The following PTPRT variants were observed in gnomAD, a reference collection of about 807,000 sequenced individuals.
PTPRT encodes the protein protein tyrosine phosphatase receptor type T.
Under a neutral mutation model 176.8 loss-of-function variants are expected in PTPRT, and 56 were observed. The observed-to-expected ratio is 0.32, with a 90% CI of 0.26 to 0.40. The LOEUF is 0.40. PTPRT is among the 10% of genes least tolerant of loss of function. PTPRT has a pLI of 1.00. For missense variants in PTPRT, 1,540 were observed against 1,908.2 expected, an observed-to-expected ratio of 0.81 and a Z score of 3.60; for synonymous variants, 783 against 739.0, an observed-to-expected ratio of 1.06 and a Z score of -0.96.
At chr20:42,992,377 C>A (rs1308365895) in intron 1 of PTPRT, among the ~76,000 whole-genome samples, 1 of 152,190 alleles carries the variant, frequency 6.6e-6, no homozygotes, top group Non-Finnish European at 1.5e-5. Flanking sequence ...CTCATCAGTG[C>A]CCATCCCTGG....
intron 1 of PTPRT, among the ~76,000 whole-genome samples, chr20:42,921,750 C>T (rs1568681749): frequency 6.6e-6 from 1 of 152,190 alleles, no homozygotes; most frequent in Non-Finnish European, 1.5e-5. Context: ...TTCACTCACT[C>T]CAATCAGGGT....
At chr20:42,860,278 C>T (rs1180497762) in intron 2 of PTPRT, among the ~76,000 whole-genome samples, 1 of 152,184 alleles carries the variant, frequency 6.6e-6, no homozygotes, top group Non-Finnish European at 1.5e-5. Context: ...ATCTATCTGT[C>T]TCTTCTAAGA....
intron 15 of PTPRT, among the ~76,000 whole-genome samples, chr20:42,201,942 A>G (rs968517061): frequency 1.2e-4 from 9 of 75,120 alleles, no homozygotes; most frequent in Non-Finnish European, 6.0e-5. Context: ...CCAAGAAGAG[A>G]AAAGTTGCGT....
intron 7 of PTPRT, among the ~76,000 whole-genome samples, chr20:42,510,177 C>T (rs1432756499): frequency 1.3e-5 from 2 of 152,072 alleles, no homozygotes; most frequent in African/African-American, 4.8e-5. Flanking sequence ...AGTCCAAAAG[C>T]ACCATCATGT....
At chr20:43,130,532 A>G (rs1272881394) in intron 1 of PTPRT, among the ~76,000 whole-genome samples, 2 of 152,210 alleles carry the variant, frequency 1.3e-5, no homozygotes, top group Non-Finnish European at 2.9e-5. Flanking sequence ...CTCAATAAAC[A>G]TGACTTCTGA....
the PTPRT span, among the ~76,000 whole-genome samples, chr20:42,041,838 C>T: frequency 6.6e-6 from 1 of 152,206 alleles, no homozygotes; most frequent in African/African-American, 2.4e-5. Flanking sequence ...ATTGCTACTA[C>T]ATTTATTGTC....
In PTPRT at chr20:42,077,208, A is replaced by T. The variant is rs2146065507; in HGVS notation, c.*3671T>A. ...CAGAGAGGGCCAGCACTAAAAGCAA[A>T]CTGTCCCCTTCCATTCCCACAAAGA... On this transcript the variant is annotated 3_prime_UTR_variant, in exon 31 of 31. Coordinates refer to ENST00000373187, the MANE Select transcript of PTPRT (RefSeq NM_007050.6). 5.4e-6 allele frequency: 1 copy of T among 185,196 alleles called. No individual in the cohort carries two copies. Among genetic ancestry groups the T allele is most frequent in the South Asian group, 2.0e-4 (1 of 5,092 alleles). 11.5% of individuals were successfully genotyped at this position (185,196 alleles called of 1,614,324 possible).
At chr20:42,414,048 T>C (rs2142796) in intron 9 of PTPRT, among the ~76,000 whole-genome samples, 15,346 of 152,084 alleles carry the variant, frequency 0.1, 1,043 homozygotes, top group East Asian at 0.23. Flanking sequence ...GCCAGGCTGG[T>C]CTTAAACTCC....
intron 19 of PTPRT, among the ~76,000 whole-genome samples, chr20:42,121,733 A>G (rs2146336737): frequency 1.4e-5 from 2 of 146,908 alleles, no homozygotes; most frequent in Admixed American, 1.4e-4. Flanking sequence ...CCATATATAT[A>G]TGGATATATA....
chr20:43,057,131 G>A (rs945624607), intron 1 of PTPRT, among the ~76,000 whole-genome samples: 4 of 150,964 alleles, frequency 2.6e-5, no homozygotes, highest in African/African-American at 9.8e-5. Context: ...GTGGGGAAGA[G>A]TGTGTCTCTT....
chr20:42,297,145 G>A (rs1318347586), intron 12 of PTPRT, among the ~76,000 whole-genome samples: 3 of 152,052 alleles, frequency 2.0e-5, no homozygotes, highest in African/African-American at 4.8e-5. Context: ...ATTACACATG[G>A]CAAAGGATAC....
intron 1 of PTPRT, among the ~76,000 whole-genome samples, chr20:42,980,531 A>C (rs1418918682): frequency 6.6e-6 from 1 of 152,336 alleles, no homozygotes; most frequent in African/African-American, 2.4e-5. Context: ...TCAAATTCGA[A>C]GACAAATTCT....
At chr20:42,212,467 G>A (rs2055667255) in intron 15 of PTPRT, among the ~76,000 whole-genome samples, 1 of 148,440 alleles carries the variant, frequency 6.7e-6, no homozygotes, top group South Asian at 2.2e-4. Context: ...GGATATGGAT[G>A]TGTGCAGCAT....
intron 1 of PTPRT, among the ~76,000 whole-genome samples, chr20:42,943,603 A>C (rs1980705608): frequency 6.6e-6 from 1 of 152,052 alleles, no homozygotes; most frequent in Non-Finnish European, 1.5e-5. Context: ...ACAGCCTCCA[A>C]CTCAGCCTGA....
At chr20:42,994,949 C>G (rs1984142213) in intron 1 of PTPRT, among the ~76,000 whole-genome samples, 1 of 152,186 alleles carries the variant, frequency 6.6e-6, no homozygotes, top group Admixed American at 6.5e-5. Flanking sequence ...GGGGAATAAA[C>G]TGTTATTGTA....
intron 1 of PTPRT, among the ~76,000 whole-genome samples, chr20:43,091,239 C>G (rs1039544474): frequency 1.3e-5 from 2 of 151,562 alleles, no homozygotes; most frequent in Non-Finnish European, 2.9e-5. Context: ...AAAAAAAAAA[C>G]AAACCCTGAA....
intron 7 of PTPRT, among the ~76,000 whole-genome samples, chr20:42,584,291 A>G (rs574095122): frequency 6.6e-6 from 1 of 152,172 alleles, no homozygotes; most frequent in Admixed American, 6.5e-5. Context: ...GTGATCTCCC[A>G]CTATTCTCTT....
At chr20:43,120,619 ACTT>A (rs1568797009) in intron 1 of PTPRT, among the ~76,000 whole-genome samples, 2 of 152,152 alleles carry the variant, frequency 1.3e-5, no homozygotes, top group African/African-American at 4.8e-5. Context: ...TTGGTTATCT[ACTT>A]CTGTACTGGA....
At chr20:42,577,717 C>A (rs752747451) in intron 7 of PTPRT, among the ~76,000 whole-genome samples, 3 of 151,762 alleles carry the variant, frequency 2.0e-5, no homozygotes, top group African/African-American at 7.2e-5. Context: ...GGAAGGAGAT[C>A]AACAGCACGG....
Sources: gnomAD v4.1 joint callset for allele counts (sites outside exome capture counted in the v4.1 genomes callset) on GRCh38, gnomAD v4.1.1 for gene constraint, MANE v1.5 for transcripts, NCBI Gene and HGNC (gene_info 2026-07-23, HGNC 2026-07-21) for gene names.